PRDM7: variants seen among roughly 807,000 people sequenced by gnomAD.
PRDM7 encodes the protein histone-lysine N-methyltransferase PRDM7.
Under a neutral mutation model 64.3 loss-of-function variants are expected in PRDM7, and 52 were observed. The ratio of observed to expected loss-of-function variants is 0.81; its 90% CI spans 0.65 to 1.02. The LOEUF is 1.02. PRDM7 is among the 50% of genes least tolerant of loss of function. The pLI is 0.00. For synonymous variants in PRDM7, 192 were observed against 210.1 expected, an observed-to-expected ratio of 0.91 and a Z score of 0.74; for missense variants, 574 against 597.1, an observed-to-expected ratio of 0.96 and a Z score of 0.40.
Position 90,058,093 on chromosome 16 carries a change from C to A in PRDM7, c.*196G>T. ...TGACTTATCACTGAAACCTTGCCCA[C>A]ACTCTCCATATTTGACTTTCGCAAT... On this transcript the variant is annotated 3_prime_UTR_variant, in exon 11 of 11. Transcript: ENST00000449207. 2 of 1,613,956 alleles carry A rather than the reference C, an allele frequency of 1.2e-6. No homozygotes were observed. The highest frequency in any genetic ancestry group is 1.7e-6 in the Non-Finnish European group (2 of 1,179,844).
Position 90,073,624 on chromosome 16 carries a change from C to A in PRDM7, c.301+1292G>T, listed in dbSNP as rs188876539. ...CCGTGTTAGCCAGGATGGTCTTGAT[C>A]TCCTGACCTCATGATTCGCCTGCCT... On this transcript the variant is annotated intron_variant, in intron 4 of 10. Coordinates refer to ENST00000449207, the MANE Select transcript of PRDM7 (RefSeq NM_001098173.2). Among the ~76,000 whole-genome samples, 898 of 152,166 alleles carry A rather than the reference C, an allele frequency of 5.9e-3. 11 individuals are homozygous for A. The highest frequency in any genetic ancestry group is 0.02 in the African/African-American group (828 of 41,514).
At chr16:90,065,341 C>T (rs1248047415) in intron 5 of PRDM7, among the ~76,000 whole-genome samples, 24 of 138,378 alleles carry the variant, frequency 1.7e-4, no homozygotes, top group Non-Finnish European at 3.3e-4. Flanking sequence ...TGCAGTGAGC[C>T]GAGATCGCGC....
rs771049603 is a variant in PRDM7 at position 90,075,807 on chromosome 16, G to C, written c.69+35C>G. The C allele has an allele frequency of 6.2e-7, 1 of 1,604,650 alleles. No individual in the cohort carries two copies. The highest frequency in any genetic ancestry group is 8.5e-7 in the Non-Finnish European group (1 of 1,173,322). On this transcript the variant is annotated intron_variant, in intron 2 of 10. Transcript: ENST00000449207. The surrounding 1 kb of genome is among the most constrained non-coding windows in gnomAD (Gnocchi z 4.3). The stretch of plus-strand genomic sequence containing the variant: ...TGCAGCACTCCAGAGATCAGCTCCT[G>C]CTGGGAGTCTGGCTTCGCCTCCCCG...
In PRDM7 at chr16:90,068,694, A is replaced by G. The variant is rs1597690126; in HGVS notation, c.302-1784T>C. Among the ~76,000 whole-genome samples, 4 of 151,312 alleles carry G rather than the reference A, an allele frequency of 2.6e-5. No individual in the cohort carries two copies. The South Asian group carries it at 8.3e-4, about 31-fold the overall frequency. ...TCAGCATACAAAAGCAACACCCCAA[A>G]TCAGTTGTGTTTCTATTTAGTAAAA... On this transcript the variant is annotated intron_variant, in intron 4 of 10. Coordinates refer to ENST00000449207, the MANE Select transcript of PRDM7 (RefSeq NM_001098173.2).
intron 5 of PRDM7, among the ~76,000 whole-genome samples, chr16:90,066,105 G>A (rs1174359752): frequency 6.6e-6 from 1 of 151,392 alleles, no homozygotes; most frequent in Admixed American, 6.6e-5. Flanking sequence ...GGTTCCAGAA[G>A]AATATATTTT....
chr16:90,074,823 G>A, intron 4 of PRDM7, 93 bp downstream of exon 4: 8 of 1,302,186 alleles, frequency 6.1e-6, no homozygotes, highest in Non-Finnish European at 4.3e-6. Context: ...AGGTTGCCGT[G>A]AGCCAAGATC....
chr16:90,062,706 T>C (rs143981915), intron 6 of PRDM7, among the ~76,000 whole-genome samples: 3 of 152,366 alleles, frequency 2.0e-5, no homozygotes, highest in Admixed American at 6.5e-5. Context: ...TTTCTAGCTG[T>C]TCTCATTATC....
At chr16:90,070,518 A>G (rs2037940878) in intron 4 of PRDM7, among the ~76,000 whole-genome samples, 1 of 151,038 alleles carries the variant, frequency 6.6e-6, no homozygotes, top group Admixed American at 6.6e-5. Flanking sequence ...CGGGAGGTGG[A>G]GTTTGCAGTG....
At position 90,063,597 on chromosome 16, in the gene PRDM7, C is replaced by G; in HGVS notation, c.508+15G>C. On this transcript the variant is annotated intron_variant, in intron 6 of 10. Transcript: ENST00000449207. ...GGACATAGAGGGACTAAATTCCCCT[C>G]AAATTTTTTCTTACCCAGTTTTAGT... 6.2e-7 allele frequency: 1 copy of G among 1,612,350 alleles called. No individual in the cohort carries two copies. The highest frequency in any genetic ancestry group is 8.5e-7 in the Non-Finnish European group (1 of 1,179,766).
In PRDM7 at chr16:90,077,242, A is replaced by G. The variant is rs1486286805; in HGVS notation, c.-102T>C. ...AGGGTTTACAAGGGTTTCACGCTGCACGACAAAGGCTCCCCATGCTCTTCA... is the reference window on the plus strand; with the variant it reads ...AGGGTTTACAAGGGTTTCACGCTGCGCGACAAAGGCTCCCCATGCTCTTCA... On this transcript the variant is annotated 5_prime_UTR_variant, in exon 1 of 11. Coordinates refer to ENST00000449207, the MANE Select transcript of PRDM7 (RefSeq NM_001098173.2). The G allele has an allele frequency of 6.6e-6, 1 of 152,230 alleles. No individual in the cohort carries two copies. Among genetic ancestry groups the G allele is most frequent in the Non-Finnish European group, 1.5e-5 (1 of 68,088 alleles). The allele number at this position is 152,230 out of a possible 1,614,324, so 9.4% of individuals were successfully genotyped here. A position where few individuals can be genotyped will look rare whatever the true frequency, so the allele number is the denominator to read the frequency against.
intron 6 of PRDM7, among the ~76,000 whole-genome samples, chr16:90,062,853 C>A (rs1024148530): frequency 2.6e-5 from 4 of 152,074 alleles, no homozygotes; most frequent in Admixed American, 2.6e-4. Flanking sequence ...AAAGTATAGT[C>A]TCTATAGGGG....
At chr16:90,059,410 G>C (rs2037733008) in intron 10 of PRDM7, among the ~76,000 whole-genome samples, 1 of 152,218 alleles carries the variant, frequency 6.6e-6, no homozygotes, top group Non-Finnish European at 1.5e-5. Flanking sequence ...TTACCGCCAT[G>C]CTCCCCACCT....
chr16:90,069,066 A>C (rs2037920473), intron 4 of PRDM7, among the ~76,000 whole-genome samples: 1 of 151,380 alleles, frequency 6.6e-6, no homozygotes. Context: ...ATCTTGAAAA[A>C]GAAGGATAAA....
chr16:90,072,134 G>C (rs2037967638), intron 4 of PRDM7, among the ~76,000 whole-genome samples: 1 of 152,060 alleles, frequency 6.6e-6, no homozygotes, highest in Non-Finnish European at 1.5e-5. Context: ...GGGATGCTGA[G>C]GCGGGAGAAT....
chr16:90,059,599 G>A (rs2037736385), intron 10 of PRDM7, among the ~76,000 whole-genome samples: 1 of 152,192 alleles, frequency 6.6e-6, no homozygotes, highest in African/African-American at 2.4e-5. Context: ...CTTCTCAAAT[G>A]CTGTCTCCTA....
chr16:90,062,368 C>A (rs1169413224), intron 7 of PRDM7, 33 bp downstream of exon 7: 2 of 1,613,776 alleles, frequency 1.2e-6, no homozygotes, highest in African/African-American at 1.3e-5. Flanking sequence ...GACATAACAG[C>A]AAGCTGTGTG....
At chr16:90,072,809 C>T (rs1049703343) in intron 4 of PRDM7, among the ~76,000 whole-genome samples, 6 of 152,110 alleles carry the variant, frequency 3.9e-5, no homozygotes, top group African/African-American at 1.4e-4. Context: ...TGTGGTAAAC[C>T]ACGGGAGATA....
intron 10 of PRDM7, 107 bp downstream of exon 10, chr16:90,060,234 T>C: frequency 6.5e-7 from 1 of 1,528,210 alleles, no homozygotes; most frequent in Non-Finnish European, 8.9e-7. Flanking sequence ...TGTAAAATTT[T>C]ACTGACTTTA....
At position 90,057,632 on chromosome 16, in the gene PRDM7, C is replaced by G; in HGVS notation, c.*657G>C. The G allele has an allele frequency of 3.0e-6, 3 of 1,003,332 alleles. No individual in the cohort carries two copies. The highest frequency in any genetic ancestry group is 3.8e-6 in the Non-Finnish European group (3 of 782,206). 62.2% of individuals were successfully genotyped at this position (1,003,332 alleles called of 1,614,324 possible). A position where few individuals can be genotyped will look rare whatever the true frequency, so the allele number is the denominator to read the frequency against. On this transcript the variant is annotated 3_prime_UTR_variant, in exon 11 of 11. Transcript: ENST00000449207. ...CATGTTGACGTCCCCCGAACACTTA[C>G]AGAACTATCCCCTGTTCTTCCTCAA... is the stretch of plus-strand genomic sequence containing the variant.
Sources: allele counts gnomAD v4.1 joint callset (sites outside exome capture counted in the v4.1 genomes callset), GRCh38; gene constraint gnomAD v4.1.1; non-coding constraint Gnocchi (gnomAD v3.1); transcripts MANE v1.5; gene names NCBI Gene and HGNC (gene_info 2026-07-23, HGNC 2026-07-21).